Variants in MAGI2 observed in about 807,000 individuals in gnomAD.
MAGI2 encodes membrane-associated guanylate kinase, WW and PDZ domain-containing protein 2.
MAGI2 carries 35 observed loss-of-function variants against 133.3 expected under a neutral mutation model. The ratio of observed to expected loss-of-function variants is 0.26; its 90% CI spans 0.20 to 0.35. MAGI2 has a LOEUF of 0.35. Ranked by LOEUF, MAGI2 falls within the 10% of genes least tolerant of loss-of-function variation. MAGI2 has a pLI of 1.00. For synonymous variants in MAGI2, 729 were observed against 710.6 expected (o/e 1.03, Z -0.41); for missense variants, 1,636 against 1,863.4 (o/e 0.88, Z 2.25).
At chr7:79,189,547 C>G (rs545927946) in intron 1 of MAGI2, among the ~76,000 whole-genome samples, 1 of 151,546 alleles carries the variant, frequency 6.6e-6, no homozygotes, top group South Asian at 2.1e-4. Context: ...CCTTCTATTC[C>G]CCTCCTTCCC....
At chr7:78,587,316 T>C (rs1345339112) in intron 3 of MAGI2, among the ~76,000 whole-genome samples, 1 of 152,206 alleles carries the variant, frequency 6.6e-6, no homozygotes, top group Non-Finnish European at 1.5e-5. Context: ...CTAAGAATTT[T>C]TACCAGGGCT....
chr7:78,907,811 GA>G (rs1371907908), intron 2 of MAGI2, among the ~76,000 whole-genome samples: 3 of 152,098 alleles, frequency 2.0e-5, no homozygotes, highest in Non-Finnish European at 4.4e-5. Context: ...AAATGTTTCA[GA>G]AAGGAGGTGT....
At chr7:79,368,210 A>T (rs1290185318) in intron 1 of MAGI2, among the ~76,000 whole-genome samples, 1 of 152,056 alleles carries the variant, frequency 6.6e-6, no homozygotes, top group Non-Finnish European at 1.5e-5. Flanking sequence ...ATCTAGGAAA[A>T]CATGAGGAAT....
At chr7:79,365,998 T>C (rs1182132633) in intron 1 of MAGI2, among the ~76,000 whole-genome samples, 3 of 146,718 alleles carry the variant, frequency 2.0e-5, no homozygotes, top group South Asian at 2.1e-4. Flanking sequence ...TCTCAGCAAG[T>C]TGGGAAGCCG....
intron 2 of MAGI2, among the ~76,000 whole-genome samples, chr7:78,794,472 T>C (rs1787430390): frequency 1.3e-5 from 2 of 152,262 alleles, no homozygotes; most frequent in South Asian, 4.1e-4. Flanking sequence ...TGGAAGCAGT[T>C]CAAATGTCTT....
chr7:79,115,853 A>AGTTT (rs1819347968), intron 1 of MAGI2, among the ~76,000 whole-genome samples: 3 of 88,738 alleles, frequency 3.4e-5, no homozygotes, highest in African/African-American at 1.5e-4. Flanking sequence ...AATGTTTTAA[A>AGTTT]GTTTTTTTTT....
At position 79,195,625 on chromosome 7, in the gene MAGI2, T is replaced by C. The variant is rs114032901; in HGVS notation, c.302-188419A>G. 8.0e-3 allele frequency among the ~76,000 whole-genome samples: 1,209 copies of C among 152,064 alleles called. 27 individuals are homozygous for C. The highest frequency in any genetic ancestry group is 0.028 in the African/African-American group (1,155 of 41,394). On this transcript the variant is annotated intron_variant, in intron 1 of 21. Coordinates refer to ENST00000354212, the MANE Select transcript of MAGI2 (RefSeq NM_012301.4). Reference sequence around the variant, plus strand: ...ATCTCCTGCTGCCTGCTCAACTGCCTTTCTGCCCAGCAATGGAGAGTCACA... The same window carrying C: ...ATCTCCTGCTGCCTGCTCAACTGCCCTTCTGCCCAGCAATGGAGAGTCACA...
chr7:78,534,633 T>G (rs890569487), intron 3 of MAGI2, among the ~76,000 whole-genome samples: 1 of 152,208 alleles, frequency 6.6e-6, no homozygotes, highest in Non-Finnish European at 1.5e-5. Context: ...CCAAGAGCTA[T>G]GCAGTTTGAA....
At chr7:79,039,427 T>C (rs960086524) in intron 1 of MAGI2, among the ~76,000 whole-genome samples, 1 of 152,134 alleles carries the variant, frequency 6.6e-6, no homozygotes, top group South Asian at 2.1e-4. Context: ...TTTCTTTTTT[T>C]TAATAAAAAG....
chr7:78,268,410 A>G (rs1034918631), intron 9 of MAGI2, among the ~76,000 whole-genome samples: 2 of 152,192 alleles, frequency 1.3e-5, no homozygotes, highest in Admixed American at 6.5e-5. Context: ...AGCTACTACT[A>G]TGTGCTAAGA....
At chr7:78,464,612 T>C (rs749768451) in intron 6 of MAGI2, among the ~76,000 whole-genome samples, 11 of 152,116 alleles carry the variant, frequency 7.2e-5, no homozygotes, top group Non-Finnish European at 1.3e-4. Context: ...AAAAGAACAA[T>C]ATTAATCTAC....
At chr7:79,198,648 G>C (rs1828307991) in intron 1 of MAGI2, among the ~76,000 whole-genome samples, 1 of 152,022 alleles carries the variant, frequency 6.6e-6, no homozygotes, top group Admixed American at 6.6e-5. Context: ...CCAGCACTTT[G>C]GGAGGCCGAA....
intron 2 of MAGI2, among the ~76,000 whole-genome samples, chr7:78,834,614 T>A (rs1437949152): frequency 6.6e-6 from 1 of 152,238 alleles, no homozygotes; most frequent in Admixed American, 6.5e-5. Context: ...CCACTGTTTG[T>A]CCATTTTGAG....
At chr7:78,489,445 G>A (rs928920906) in intron 6 of MAGI2, among the ~76,000 whole-genome samples, 1 of 151,982 alleles carries the variant, frequency 6.6e-6, no homozygotes, top group African/African-American at 2.4e-5. Context: ...CCAATTAAAA[G>A]ATCAGAGTCC....
intron 9 of MAGI2, among the ~76,000 whole-genome samples, chr7:78,274,197 C>G (rs911523383): frequency 1.3e-5 from 2 of 152,206 alleles, no homozygotes; most frequent in Non-Finnish European, 2.9e-5. Flanking sequence ...TCAGGATCCT[C>G]TGCTGCAGGT....
At chr7:78,726,837 TCA>T (rs1437023641) in intron 2 of MAGI2, among the ~76,000 whole-genome samples, 4 of 152,094 alleles carry the variant, frequency 2.6e-5, no homozygotes, top group Non-Finnish European at 5.9e-5. Context: ...TTGATAAGAA[TCA>T]CATCTTTTTA....
intron 6 of MAGI2, among the ~76,000 whole-genome samples, chr7:78,400,820 G>C (rs1352877558): frequency 6.6e-6 from 1 of 151,970 alleles, no homozygotes; most frequent in Non-Finnish European, 1.5e-5. Context: ...TAGTTTTCTG[G>C]GCATTTCTGG....
In MAGI2 at chr7:78,706,606, A is replaced by T. The variant is rs573790946; in HGVS notation, c.419-79367T>A. Among the ~76,000 whole-genome samples, 9 of 152,268 alleles carry T rather than the reference A, an allele frequency of 5.9e-5. No homozygotes were observed. The East Asian group carries it at 1.2e-3, about 20-fold the overall frequency. ...AATAACCCCTGTCCTTACATAATTT[A>T]TATTAACTTTGGGAAGCAAAATTAA... On this transcript the variant is annotated intron_variant, in intron 2 of 21. Coordinates refer to ENST00000354212, the MANE Select transcript of MAGI2 (RefSeq NM_012301.4).
At chr7:79,257,762 T>C (rs1473817223) in intron 1 of MAGI2, among the ~76,000 whole-genome samples, 1 of 152,162 alleles carries the variant, frequency 6.6e-6, no homozygotes, top group Non-Finnish European at 1.5e-5. Context: ...ATAAATTGCA[T>C]ATAATTTGCT....
Sources: allele counts gnomAD v4.1 joint callset (sites outside exome capture counted in the v4.1 genomes callset), GRCh38; gene constraint gnomAD v4.1.1; transcripts MANE v1.5; gene names NCBI Gene and HGNC (gene_info 2026-07-23, HGNC 2026-07-21).